Variants in HAAO observed in about 807,000 individuals in gnomAD.
HAAO encodes 3-hydroxyanthranilate 3,4-dioxygenase.
Under a neutral mutation model 46.2 loss-of-function variants are expected in HAAO, and 49 were observed. The observed-to-expected ratio is 1.06, with a 90% CI of 0.84 to 1.34. The LOEUF (loss-of-function observed/expected upper bound fraction) is 1.34, where lower values mean the gene tolerates loss of function less well. Ranked by LOEUF, HAAO falls within the 40% of genes most tolerant of loss-of-function variation. The pLI is 0.00. For synonymous variants in HAAO, 157 were observed against 145.2 expected (o/e 1.08, Z -0.58); for missense variants, 408 against 364.5 (o/e 1.12, Z -0.97).
At position 42,770,914 on chromosome 2, in the gene HAAO, G is replaced by C. The variant is rs180870235; in HGVS notation, c.351-332C>G. Among the ~76,000 whole-genome samples, 524 of 152,358 alleles carry C rather than the reference G, an allele frequency of 3.4e-3. 1 individual carries two copies. The highest frequency in any genetic ancestry group is 5.4e-3 in the Admixed American group (83 of 15,306). The stretch of plus-strand genomic sequence containing the variant: ...TTGCCAAGGATTACACAGCCTGTAA[G>C]TGGCGGAAGCAGGCCAGTCTCAAGA... On this transcript the variant is annotated intron_variant, in intron 4 of 9. Transcript: ENST00000294973.
intron 4 of HAAO, among the ~76,000 whole-genome samples, chr2:42,771,460 A>C (rs1358731819): frequency 6.7e-6 from 1 of 148,308 alleles, no homozygotes; most frequent in Non-Finnish European, 1.5e-5. Flanking sequence ...AAAAAAAAAA[A>C]AGAAGCCAAC....
chr2:42,790,601 G>A (rs1308258564), intron 1 of HAAO, among the ~76,000 whole-genome samples: 1 of 151,110 alleles, frequency 6.6e-6, no homozygotes, highest in Non-Finnish European at 1.5e-5. Context: ...GCACAACTTC[G>A]GCTCAGTGCA....
At chr2:42,770,615 C>T in intron 4 of HAAO, 33 bp from the exon 5 acceptor site, 1 of 1,451,778 alleles carries the variant, frequency 6.9e-7, no homozygotes, top group South Asian at 1.3e-5. Flanking sequence ...ACCCTGCTGT[C>T]CCCATCTGGG....
chr2:42,781,365 G>T (rs541041539), intron 4 of HAAO, among the ~76,000 whole-genome samples: 2 of 152,132 alleles, frequency 1.3e-5, no homozygotes, highest in Non-Finnish European at 2.9e-5. Flanking sequence ...TATCTTCCCT[G>T]TATAGGGTTT....
intron 4 of HAAO, among the ~76,000 whole-genome samples, chr2:42,778,323 C>T (rs12477298): frequency 0.36 from 54,753 of 151,584 alleles, 10,695 homozygotes; most frequent in African/African-American, 0.48. Flanking sequence ...AAAAGGACAC[C>T]AGGTCCTGCT....
At chr2:42,785,089 G>A (rs1672292975) in intron 2 of HAAO, among the ~76,000 whole-genome samples, 1 of 152,172 alleles carries the variant, frequency 6.6e-6, no homozygotes, top group African/African-American at 2.4e-5. Flanking sequence ...TGTGCCCTTG[G>A]TCAATTCAGT....
intron 4 of HAAO, among the ~76,000 whole-genome samples, chr2:42,781,777 G>A (rs1672018796): frequency 6.6e-6 from 1 of 152,162 alleles, no homozygotes; most frequent in South Asian, 2.1e-4. Context: ...AAGAAGTTAA[G>A]GCAGGAGAAT....
At chr2:42,785,382 GAAAA>G (rs2104666325) in intron 2 of HAAO, among the ~76,000 whole-genome samples, 1 of 152,306 alleles carries the variant, frequency 6.6e-6, no homozygotes, top group Admixed American at 6.5e-5. Context: ...TGGGAAAATG[GAAAA>G]TGCTAAAGTT....
At chr2:42,785,040 AG>A (rs1485847595) in intron 2 of HAAO, among the ~76,000 whole-genome samples, 1 of 152,214 alleles carries the variant, frequency 6.6e-6, no homozygotes, top group Non-Finnish European at 1.5e-5. Context: ...TTTTCAATGC[AG>A]TGCATAGTTA....
Position 42,768,025 on chromosome 2 carries a change from G to A in HAAO, c.631-97C>T. On this transcript the variant is annotated intron_variant, in intron 7 of 9. Transcript: ENST00000294973. Reference sequence around the variant, plus strand: ...CAGACACCAGGCCTGCTTGGAGCAGGGTTGGGGCCCATGAAACAGCCCCAT... The same window carrying A: ...CAGACACCAGGCCTGCTTGGAGCAGAGTTGGGGCCCATGAAACAGCCCCAT... 1.0e-5 allele frequency: 11 copies of A among 1,083,658 alleles called. 1 individual carries two copies. In the South Asian group the frequency reaches 1.3e-4, roughly 13 times the overall value. 67.1% of individuals were successfully genotyped at this position (1,083,658 alleles called of 1,614,324 possible).
At chr2:42,785,262 A>G (rs150581183) in intron 2 of HAAO, among the ~76,000 whole-genome samples, 19 of 152,362 alleles carry the variant, frequency 1.2e-4, no homozygotes, top group African/African-American at 4.6e-4. Context: ...GAATGACAAA[A>G]GTAATGCTAA....
chr2:42,784,603 C>T (rs1672260536), intron 2 of HAAO, among the ~76,000 whole-genome samples: 1 of 151,910 alleles, frequency 6.6e-6, no homozygotes, highest in Non-Finnish European at 1.5e-5. Context: ...TGAGATCACC[C>T]CATGGAACTG....
At chr2:42,783,550 C>T (rs747037819) in intron 3 of HAAO, 130 bp from the exon 4 acceptor site, 43 of 688,138 alleles carry the variant, frequency 6.2e-5, no homozygotes, top group Non-Finnish European at 9.4e-5. Flanking sequence ...ACCCTGGGCC[C>T]TCTTCTCTGC....
At chr2:42,785,212 C>G (rs978550748) in intron 2 of HAAO, among the ~76,000 whole-genome samples, 1 of 152,114 alleles carries the variant, frequency 6.6e-6, no homozygotes, top group African/African-American at 2.4e-5. Context: ...GCATAGTAAG[C>G]CCTCAGTAAG....
intron 4 of HAAO, among the ~76,000 whole-genome samples, chr2:42,775,861 C>CTT (rs56249729): frequency 0.34 from 41,276 of 120,932 alleles, 7,286 homozygotes; most frequent in African/African-American, 0.43. Context: ...TTGTGTTATC[C>CTT]TTTTTTTTTT....
Position 42,769,819 on chromosome 2 carries a change from C to T in HAAO, c.524G>A (p.Arg175Gln), listed in dbSNP as rs142300589. The change falls in exon 7 of 10, where the codon CGA (arginine) becomes CAA (glutamine). Residue 175 changes from arginine to glutamine, a missense_variant. By Grantham distance (43) the Arg-to-Gln change is conservative. Transcript: ENST00000294973. ...CAGGGACATGGGCTCCATGATGGAT[C>T]GTGTGCTCAGAGGGAATGGTGGCTC... is the stretch of plus-strand genomic sequence containing the variant. ...LKEPPFPLSTRSIMEPMSLDA... is the reference protein window; with the variant it reads ...LKEPPFPLSTQSIMEPMSLDA... 76 of 1,613,634 alleles carry T rather than the reference C, an allele frequency of 4.7e-5. No homozygotes were observed. The highest frequency in any genetic ancestry group is 3.5e-4 in the African/African-American group (26 of 74,910).
At chr2:42,790,071 C>T (rs1007878313) in intron 1 of HAAO, among the ~76,000 whole-genome samples, 7 of 152,096 alleles carry the variant, frequency 4.6e-5, no homozygotes, top group Non-Finnish European at 1.0e-4. Flanking sequence ...AGGGGAGGGG[C>T]TATGGGGGAG....
chr2:42,767,816 C>G, intron 8 of HAAO, 44 bp downstream of exon 8: 1 of 1,599,204 alleles, frequency 6.3e-7, no homozygotes. Flanking sequence ...GGCTGATGCC[C>G]TCTGGCAGGG....
At chr2:42,771,018 C>A (rs1350148112) in intron 4 of HAAO, among the ~76,000 whole-genome samples, 2 of 152,182 alleles carry the variant, frequency 1.3e-5, no homozygotes, top group Non-Finnish European at 2.9e-5. Context: ...GAGCCTGAAA[C>A]CAGGGCCAGT....
Sources: allele counts gnomAD v4.1 joint callset (sites outside exome capture counted in the v4.1 genomes callset), GRCh38; gene constraint gnomAD v4.1.1; transcripts MANE v1.5; gene names NCBI Gene and HGNC (gene_info 2026-07-23, HGNC 2026-07-21).